The following FER1L5 variants were observed in gnomAD, a reference collection of about 807,000 sequenced individuals.
FER1L5 encodes the protein fer-1 like family member 5, also known as fer-1-like protein 5.
FER1L5 carries 187 observed loss-of-function variants against 279.9 expected under a neutral mutation model. The ratio of observed to expected loss-of-function variants is 0.67; its 90% CI spans 0.59 to 0.75. The LOEUF (loss-of-function observed/expected upper bound fraction) is 0.75, where lower values mean the gene tolerates loss of function less well. Ranked by LOEUF, FER1L5 falls within the 30% of genes least tolerant of loss-of-function variation. FER1L5 has a pLI of 0.00. For synonymous variants in FER1L5, 921 were observed against 989.7 expected, an observed-to-expected ratio of 0.93 and a Z score of 1.30; for missense variants, 2,091 against 2,594.4, an observed-to-expected ratio of 0.81 and a Z score of 4.21.
At chr2:96,644,810 A>T (rs954940645) in intron 1 of FER1L5, among the ~76,000 whole-genome samples, 1 of 152,166 alleles carries the variant, frequency 6.6e-6, no homozygotes, top group Admixed American at 6.5e-5. Flanking sequence ...AGGTTTCAAG[A>T]GGGGCGGTGG....
chr2:96,689,848 T>A lies in FER1L5; in HGVS notation c.2640+90T>A, dbSNP rs973679139. 6.1e-6 allele frequency: 7 copies of A among 1,149,774 alleles called. No homozygotes were observed. In the African/African-American group the frequency reaches 1.1e-4, roughly 18 times the overall value. The allele number at this position is 1,149,774 out of a possible 1,614,324, so 71.2% of individuals were successfully genotyped here. ...AAGCTGGGGGTCCCAGTGGAAAGGGTCTGAGCCCTATGCCCTGCACTATGT... is the reference window on the plus strand; with the variant it reads ...AAGCTGGGGGTCCCAGTGGAAAGGGACTGAGCCCTATGCCCTGCACTATGT... On this transcript the variant is annotated intron_variant, in intron 26 of 52. Transcript: ENST00000624922. The surrounding 1 kb of genome is among the most constrained non-coding windows in gnomAD (Gnocchi z 4.6).
chr2:96,699,220 G>A, intron 42 of FER1L5, 84 bp downstream of exon 42: 1 of 1,387,794 alleles, frequency 7.2e-7, no homozygotes, highest in Non-Finnish European at 1.0e-6. Flanking sequence ...ACAGAACTCT[G>A]GCACTCCTGT....
At chr2:96,685,294 GC>G (rs1318981542) in intron 20 of FER1L5, 34 bp from the exon 21 acceptor site, 1 of 1,535,804 alleles carries the variant, frequency 6.5e-7, no homozygotes, top group Non-Finnish European at 8.8e-7. Context: ...CCATGCTGAG[GC>G]GGGCTCTCTC....
chr2:96,662,886 TG>T (rs1439334610), intron 13 of FER1L5, among the ~76,000 whole-genome samples: 2 of 152,206 alleles, frequency 1.3e-5, no homozygotes, highest in African/African-American at 2.4e-5. Flanking sequence ...AGTGAGTGGT[TG>T]GGTACCCCCA....
At chr2:96,652,405 T>C (rs911648711) in intron 7 of FER1L5, 18 of 192,918 alleles carry the variant, frequency 9.3e-5, no homozygotes, top group African/African-American at 3.9e-4. Context: ...TAAATACTTG[T>C]TGAATTAATT....
At chr2:96,644,068 A>T (rs924051119) in intron 1 of FER1L5, among the ~76,000 whole-genome samples, 2 of 151,268 alleles carry the variant, frequency 1.3e-5, no homozygotes, top group Non-Finnish European at 2.9e-5. Flanking sequence ...GCTACTTGGG[A>T]GGCTGAGGCA....
At chr2:96,664,364 C>T (rs1017182640) in intron 14 of FER1L5, among the ~76,000 whole-genome samples, 3 of 152,296 alleles carry the variant, frequency 2.0e-5, no homozygotes, top group African/African-American at 7.2e-5. Context: ...CTCCCATCCC[C>T]AGGCAACCAA....
Position 96,652,035 on chromosome 2 carries a change from G to T in FER1L5, c.633+15G>T, listed in dbSNP as rs1475194460. The T allele has an allele frequency of 6.4e-7, 1 of 1,551,564 alleles. No homozygotes were observed. Among genetic ancestry groups the T allele is most frequent in the South Asian group, 1.2e-5 (1 of 84,060 alleles). ...TCTTTAATGAGGTGGGCTGAACGGG[G>T]CACATCAGGCAAGGAGCCAGCCAAG... On this transcript the variant is annotated intron_variant, in intron 7 of 52. Transcript: ENST00000624922.
At chr2:96,670,431 A>G (rs1262586667) in intron 18 of FER1L5, among the ~76,000 whole-genome samples, 184 bp downstream of exon 18, 1 of 152,100 alleles carries the variant, frequency 6.6e-6, no homozygotes, top group African/African-American at 2.4e-5. Context: ...TGCTGCACCA[A>G]ATCCCGGTGG....
intron 45 of FER1L5, 90 bp from the exon 46 acceptor site, chr2:96,701,865 G>C (rs953514133): frequency 6.6e-5 from 85 of 1,281,124 alleles, no homozygotes; most frequent in Admixed American, 9.8e-5. Context: ...AACCTCAACA[G>C]ACCTCAGAAC....
chr2:96,672,637 G>A (rs2076368998), intron 18 of FER1L5, among the ~76,000 whole-genome samples: 2 of 150,802 alleles, frequency 1.3e-5, no homozygotes, highest in South Asian at 4.2e-4. Flanking sequence ...AAGTGGGAAG[G>A]TTCAACCTTT....
chr2:96,691,851 G>C lies in FER1L5; in HGVS notation c.3102G>C (p.Gly1034=). Residue 1034 remains glycine (G), a synonymous_variant, in exon 30 of 53, where the codon GGG becomes GGC. Coordinates refer to ENST00000624922, the MANE Select transcript of FER1L5 (RefSeq NM_001293083.2). The surrounding 1 kb of genome is among the most constrained non-coding windows in gnomAD (Gnocchi z 6.0). ...SLAMDLKYHA[G]KEEDSKTWPW... ...CTATGGATCTGAAATACCACGCTGGGAAGGAAGAGGACAGCAAGACATGGC... is the reference window on the plus strand; with the variant it reads ...CTATGGATCTGAAATACCACGCTGGCAAGGAAGAGGACAGCAAGACATGGC... The C allele has an allele frequency of 3.9e-6, 6 of 1,551,608 alleles. No individual in the cohort carries two copies. Among genetic ancestry groups the C allele is most frequent in the Non-Finnish European group, 5.2e-6 (6 of 1,146,982 alleles).
intron 19 of FER1L5, among the ~76,000 whole-genome samples, chr2:96,677,772 G>A (rs568392377): frequency 2.0e-5 from 3 of 152,114 alleles, no homozygotes; most frequent in East Asian, 3.9e-4. Flanking sequence ...GGCTGAGGCA[G>A]GAGAATTGCT....
rs542698257 is a variant in FER1L5 at position 96,645,220 on chromosome 2, C to A, written c.86-1181C>A. Reference sequence around the variant, plus strand: ...CAGTGGGTTAACAATAAAAGTTTACCTCTTGCTTACACAAGTCCTGCATGG... The same window carrying A: ...CAGTGGGTTAACAATAAAAGTTTACATCTTGCTTACACAAGTCCTGCATGG... On this transcript the variant is annotated intron_variant, in intron 1 of 52. Transcript: ENST00000624922. Among the ~76,000 whole-genome samples the A allele has an allele frequency of 1.9e-3, 291 of 152,312 alleles. 2 individuals carry two copies. The highest frequency in any genetic ancestry group is 6.8e-3 in the African/African-American group (281 of 41,558).
intron 19 of FER1L5, among the ~76,000 whole-genome samples, chr2:96,676,095 G>A (rs949919779): frequency 1.7e-4 from 26 of 152,138 alleles, no homozygotes; most frequent in African/African-American, 6.0e-4. Context: ...GTATGAGGGA[G>A]GAATTGAGAT....
At chr2:96,676,909 T>C (rs1005928117) in intron 19 of FER1L5, among the ~76,000 whole-genome samples, 1 of 151,964 alleles carries the variant, frequency 6.6e-6, no homozygotes, top group African/African-American at 2.4e-5. Context: ...CAGGCCGGAG[T>C]GCGGCGGTCT....
intron 1 of FER1L5, among the ~76,000 whole-genome samples, chr2:96,645,185 C>G (rs1348473616): frequency 6.6e-6 from 1 of 152,138 alleles, no homozygotes; most frequent in African/African-American, 2.4e-5. Flanking sequence ...ATAAATAAAC[C>G]CTTAATTTTC....
At chr2:96,690,736 C>A (rs940002080) in intron 27 of FER1L5, 147 bp downstream of exon 27, 8 of 677,032 alleles carry the variant, frequency 1.2e-5, no homozygotes, top group African/African-American at 1.8e-5. Flanking sequence ...GGGTCTCCAG[C>A]GTTTCCTTAC....
rs151106682 is a variant in FER1L5 at position 96,644,599 on chromosome 2, G to A, written c.85+1678G>A. On this transcript the variant is annotated intron_variant, in intron 1 of 52. Coordinates refer to ENST00000624922, the MANE Select transcript of FER1L5 (RefSeq NM_001293083.2). ...GATACAGGCAAATAGGTTTTACAGG[G>A]ACCGTCAGCAGGGAGAAAACCGGGC... Among the ~76,000 whole-genome samples, 1,031 of 152,276 alleles carry A rather than the reference G, an allele frequency of 6.8e-3. 5 individuals are homozygous for A. The highest frequency in any genetic ancestry group is 7.9e-3 in the Non-Finnish European group (540 of 68,008).
Sources: allele counts gnomAD v4.1 joint callset (sites outside exome capture counted in the v4.1 genomes callset), GRCh38; gene constraint gnomAD v4.1.1; non-coding constraint Gnocchi (gnomAD v3.1); transcripts MANE v1.5; gene names NCBI Gene and HGNC (gene_info 2026-07-23, HGNC 2026-07-21).